The following CHST15 variants were observed in gnomAD, a reference collection of about 807,000 sequenced individuals.
CHST15 encodes the protein B cell RAG associated protein (GALNAC4S-6ST).
Under a neutral mutation model 53.6 loss-of-function variants are expected in CHST15, and 30 were observed. The ratio of observed to expected loss-of-function variants is 0.56; its 90% CI spans 0.42 to 0.76. CHST15 has a LOEUF of 0.76. Among genes scored for constraint, CHST15 ranks in the 30% least tolerant of loss-of-function variants. The pLI, the probability that CHST15 is intolerant of heterozygous loss-of-function variation, is 0.00. For synonymous variants in CHST15, 296 were observed against 289.8 expected, an observed-to-expected ratio of 1.02 and a Z score of -0.22; for missense variants, 627 against 740.5, an observed-to-expected ratio of 0.85 and a Z score of 1.78.
intron 1 of CHST15, among the ~76,000 whole-genome samples, chr10:124,047,334 A>G (rs1256414717): frequency 6.6e-6 from 1 of 152,242 alleles, no homozygotes; most frequent in Non-Finnish European, 1.5e-5. Context: ...GTATCATATT[A>G]AAAAACTACT....
intron 1 of CHST15, among the ~76,000 whole-genome samples, chr10:124,080,408 C>T (rs1417949780): frequency 6.6e-6 from 1 of 152,216 alleles, no homozygotes; most frequent in Non-Finnish European, 1.5e-5. Context: ...TCCCGCACAC[C>T]AGCTGGTCAC....
rs537568265 is a variant in CHST15 at position 124,014,107 on chromosome 10, T to C, written c.1348-1627A>G. ...ATCCTCTCATACATGCAGCACTTCC[T>C]GGCTCCCCAGGCTCCTCCCTGGAGT... On this transcript the variant is annotated intron_variant, in intron 6 of 7. Transcript: ENST00000435907. Among the ~76,000 whole-genome samples, 4 of 152,348 alleles carry C rather than the reference T, an allele frequency of 2.6e-5. No homozygotes were observed. The South Asian group carries it at 8.3e-4, about 32-fold the overall frequency.
rs145128642 is a variant in CHST15 at position 124,028,471 on chromosome 10, C to T, written c.1191-7059G>A. On this transcript the variant is annotated intron_variant, in intron 5 of 7. Transcript: ENST00000435907. ...ATCGTTTTTATATTGAGAAATGATC[C>T]ACGTACCGTAGCATCCACCCATTTA... is the stretch of plus-strand genomic sequence containing the variant. 1.2e-3 allele frequency among the ~76,000 whole-genome samples: 183 copies of T among 152,260 alleles called. 1 individual carries two copies. The highest frequency in any genetic ancestry group is 2.2e-3 in the Non-Finnish European group (147 of 68,022).
rs1946307422 is a variant in CHST15 at position 124,007,685 on chromosome 10, G to A, written c.*2464C>T. 2.5e-6 allele frequency: 3 copies of A among 1,219,080 alleles called. No homozygotes were observed. Among genetic ancestry groups the A allele is most frequent in the Non-Finnish European group, 3.1e-6 (3 of 980,812 alleles). The allele number at this position is 1,219,080 out of a possible 1,614,324, so 75.5% of individuals were successfully genotyped here. A position where few individuals can be genotyped will look rare whatever the true frequency, so the allele number is the denominator to read the frequency against. On this transcript the variant is annotated 3_prime_UTR_variant, in exon 8 of 8. Transcript: ENST00000435907. ...GGAAGAGCTTGGCTGCAGAGGAAGA[G>A]CACGCGCTCCACAGGCGTCACTCTT... is the stretch of plus-strand genomic sequence containing the variant.
chr10:124,022,782 C>T (rs1479507524), intron 5 of CHST15, among the ~76,000 whole-genome samples: 2 of 151,650 alleles, frequency 1.3e-5, no homozygotes, highest in East Asian at 1.9e-4. Context: ...TTCTAGCCAC[C>T]AACCCCCTCG....
chr10:124,065,921 G>GA (rs111909297), intron 1 of CHST15, among the ~76,000 whole-genome samples: 4 of 152,026 alleles, frequency 2.6e-5, no homozygotes, highest in African/African-American at 4.8e-5. Flanking sequence ...AAAGAAGGGG[G>GA]AAAAAAATCC....
In CHST15 at chr10:124,073,010, T is replaced by G. The variant is rs74999285; in HGVS notation, c.-513+20459A>C. On this transcript the variant is annotated intron_variant, in intron 1 of 7. Transcript: ENST00000435907. The stretch of plus-strand genomic sequence containing the variant: ...ATCTTTCCAGAGACTCATACGCTGC[T>G]GATGGGAACGGTAAATGAGTACAAT... Among the ~76,000 whole-genome samples the G allele has an allele frequency of 4.4e-3, 670 of 152,314 alleles. 6 individuals are homozygous for G. The highest frequency in any genetic ancestry group is 0.016 in the African/African-American group (655 of 41,568).
chr10:124,069,541 A>G (rs1455848407), intron 1 of CHST15, among the ~76,000 whole-genome samples: 1 of 152,238 alleles, frequency 6.6e-6, no homozygotes, highest in Non-Finnish European at 1.5e-5. Context: ...AAGGCAACAC[A>G]GGGGAGAACC....
At chr10:124,038,848 C>G (rs551929710) in intron 4 of CHST15, among the ~76,000 whole-genome samples, 177 bp from the exon 5 acceptor site, 2 of 151,742 alleles carry the variant, frequency 1.3e-5, no homozygotes, top group African/African-American at 2.4e-5. Context: ...GGATGCCCCC[C>G]CCTGCCACAG....
rs886794657 is a variant in CHST15, at chr10:124,074,889, G to A, written c.-513+18580C>T. Among the ~76,000 whole-genome samples, 1 of 152,232 alleles carries A rather than the reference G, an allele frequency of 6.6e-6. No individual in the cohort carries two copies. The highest frequency in any genetic ancestry group is 2.4e-5 in the African/African-American group (1 of 41,454). ...ATGCGGCTGTGCTAGGCAGTGGGGT[G>A]CAGTGTGTGGACAAGACAGACAGGC... On this transcript the variant is annotated intron_variant, in intron 1 of 7. Coordinates refer to ENST00000435907, the MANE Select transcript of CHST15 (RefSeq NM_001270764.2). This position sits in a 1 kb window ranked among gnomAD's most constrained non-coding sequence, Gnocchi z 4.4.
chr10:124,028,131 C>T (rs900285598), intron 5 of CHST15, among the ~76,000 whole-genome samples: 40 of 152,264 alleles, frequency 2.6e-4, no homozygotes, highest in African/African-American at 9.6e-4. Flanking sequence ...ATGCCACGGT[C>T]GGGAACAGCA....
In CHST15 at chr10:124,036,592, G is replaced by A. The variant is rs1947506108; in HGVS notation, c.1190+1923C>T. Among the ~76,000 whole-genome samples, 1 of 152,052 alleles carries A rather than the reference G, an allele frequency of 6.6e-6. No homozygotes were observed. The highest frequency in any genetic ancestry group is 2.4e-5 in the African/African-American group (1 of 41,406). Reference sequence around the variant, plus strand: ...AAGTGTGACCAGAGCAGACTTTAAAGCATGTTTCTGGGGGGCAACAATGCA... The same window carrying A: ...AAGTGTGACCAGAGCAGACTTTAAAACATGTTTCTGGGGGGCAACAATGCA... On this transcript the variant is annotated intron_variant, in intron 5 of 7. Transcript: ENST00000435907. The surrounding 1 kb of genome is among the most constrained non-coding windows in gnomAD (Gnocchi z 5.1).
rs1225263330 is a variant in CHST15 at position 124,034,736 on chromosome 10, ACCC to A, written c.1190+3776_1190+3778del. On this transcript the variant is annotated intron_variant, in intron 5 of 7. Coordinates refer to ENST00000435907, the MANE Select transcript of CHST15 (RefSeq NM_001270764.2). ...ACCCCGGCTCCACCCCCTAACAGGG[ACCC>A]CGGCTCCACCCCCTAACAGGGACGC... Among the ~76,000 whole-genome samples, 879 of 127,210 alleles carry A rather than the reference ACCC, an allele frequency of 6.9e-3. 4 individuals carry two copies. The highest frequency in any genetic ancestry group is 0.018 in the South Asian group (62 of 3,412). The allele number at this position is 127,210 out of a possible 152,430, so 83.5% of individuals were successfully genotyped here.
chr10:124,018,561 C>T (rs1946662858), intron 6 of CHST15, among the ~76,000 whole-genome samples: 1 of 152,180 alleles, frequency 6.6e-6, no homozygotes, highest in African/African-American at 2.4e-5. Flanking sequence ...TTAGGATGTA[C>T]AGGGAGGGCA....
intron 5 of CHST15, among the ~76,000 whole-genome samples, chr10:124,032,117 G>A (rs1335824442): frequency 2.6e-5 from 4 of 152,092 alleles, no homozygotes; most frequent in Non-Finnish European, 5.9e-5. Context: ...CTAGTTTATC[G>A]TCATAACTGA....
rs753671778 is a variant in CHST15, at chr10:124,021,399, A to G, written c.1204T>C (p.Tyr402His). Reference protein sequence around the residue: ...RDPVERLYSDYLYFASSNKSA... With the variant: ...RDPVERLYSDHLYFASSNKSA... ...TTATTCGAACTTGCAAAGTAGAGAT[A>G]GTCTGAGTACAACCTGTGAATAAAA... The change falls in exon 6 of 8, where the codon TAT becomes CAT. Residue 402 changes from tyrosine (Y) to histidine (H), a missense_variant. Transcript: ENST00000435907. 1 of 1,613,214 alleles carries G rather than the reference A, an allele frequency of 6.2e-7. No individual in the cohort carries two copies.
At chr10:124,025,975 T>C (rs1218641641) in intron 5 of CHST15, among the ~76,000 whole-genome samples, 1 of 152,184 alleles carries the variant, frequency 6.6e-6, no homozygotes, top group African/African-American at 2.4e-5. Flanking sequence ...AGACTACATT[T>C]CTGTTGTTTT....
In CHST15 at chr10:124,021,297, G is replaced by T; in HGVS notation, c.1306C>A (p.Arg436Ser). The change falls in exon 6 of 8, where the codon CGC becomes AGC. Residue 436 changes from arginine to serine, a missense_variant. Around this residue, in one of 3 missense-constraint regions of CHST15, gnomAD observed 279 missense variants for 371.6 expected, o/e 0.75. Coordinates refer to ENST00000435907, the MANE Select transcript of CHST15 (RefSeq NM_001270764.2). ...AGGGTGTTGTTGTAGACGCAGGCGCGCAGTGAATAATCAAGCATGCAATTT... is the reference window on the plus strand; with the variant it reads ...AGGGTGTTGTTGTAGACGCAGGCGCTCAGTGAATAATCAAGCATGCAATTT... ...FENCMLDYSL[R>S]ACVYNNTLNN... 1 of 1,613,358 alleles carries T rather than the reference G, an allele frequency of 6.2e-7. No individual in the cohort carries two copies. Among genetic ancestry groups the T allele is most frequent in the South Asian group, 1.1e-5 (1 of 91,052 alleles).
chr10:124,092,101 T>G (rs1949619443), intron 1 of CHST15, among the ~76,000 whole-genome samples: 1 of 152,140 alleles, frequency 6.6e-6, no homozygotes, highest in Non-Finnish European at 1.5e-5. Flanking sequence ...AAGGCAAGGT[T>G]CCCTTCGCCC....
Sources: gnomAD v4.1 joint callset for allele counts (sites outside exome capture counted in the v4.1 genomes callset) on GRCh38, gnomAD v4.1.1 for gene constraint, gnomAD v4.1.1 regional missense constraint, Gnocchi (gnomAD v3.1) non-coding constraint, MANE v1.5 for transcripts, NCBI Gene and HGNC (gene_info 2026-07-23, HGNC 2026-07-21) for gene names.